The following PPM1E variants were observed in gnomAD, a reference collection of about 807,000 sequenced individuals.
The protein encoded by PPM1E is protein phosphatase 1E.
In PPM1E, 20 loss-of-function variants were observed where a neutral mutation model predicts 65.9. The observed-to-expected ratio is 0.30, with a 90% CI of 0.21 to 0.44. The LOEUF is 0.44. Among genes scored for constraint, PPM1E ranks in the 20% least tolerant of loss-of-function variants. The pLI is 1.00. For synonymous variants in PPM1E, 352 were observed against 374.9 expected, an observed-to-expected ratio of 0.94 and a Z score of 0.70; for missense variants, 713 against 953.1, an observed-to-expected ratio of 0.75 and a Z score of 3.32.
At chr17:58,841,648 C>G (rs2050719153) in intron 1 of PPM1E, among the ~76,000 whole-genome samples, 1 of 151,838 alleles carries the variant, frequency 6.6e-6, no homozygotes. Context: ...GCCTCAGCCT[C>G]CCGAGTAGCT....
At chr17:58,835,425 C>T (rs966641914) in intron 1 of PPM1E, among the ~76,000 whole-genome samples, 4 of 152,012 alleles carry the variant, frequency 2.6e-5, no homozygotes, top group African/African-American at 9.7e-5. Context: ...TATTTCTACC[C>T]GAATTTTAAT....
At chr17:58,782,368 T>C (rs1280660828) in intron 1 of PPM1E, among the ~76,000 whole-genome samples, 1 of 151,956 alleles carries the variant, frequency 6.6e-6, no homozygotes, top group African/African-American at 2.4e-5. Flanking sequence ...CTAAAACTAC[T>C]GTGACTTCAC....
In PPM1E at chr17:58,955,729, A is replaced by G. The variant is rs2029870746; in HGVS notation, c.545A>G (p.Tyr182Cys). 3 of 1,612,382 alleles carry G rather than the reference A, an allele frequency of 1.9e-6. No individual in the cohort carries two copies. The highest frequency in any genetic ancestry group is 2.5e-6 in the Non-Finnish European group (3 of 1,179,602). The change falls in exon 2 of 7, where the codon TAT (tyrosine) becomes TGT (cysteine). Residue 182 changes from tyrosine to cysteine, a missense_variant. Physicochemically the swap from Tyr to Cys is radical, Grantham distance 194 (BLOSUM62 -2). Around this residue, in one of 6 missense-constraint regions of PPM1E, gnomAD observed 84 missense variants for 113.9 expected, o/e 0.74. Transcript: ENST00000308249. ...CTTCAGAGTGATCTTTCTGCACATT[A>G]TATCCCAAAGGAAACGGATGGCACA... ...EVLQSDLSAH[Y>C]IPKETDGTEG...
intron 6 of PPM1E, among the ~76,000 whole-genome samples, chr17:58,974,874 A>G (rs2030895072): frequency 6.6e-6 from 1 of 152,202 alleles, no homozygotes; most frequent in Admixed American, 6.5e-5. Context: ...TGAAAGAGAA[A>G]TAGCTAAAAG....
chr17:58,835,202 A>G (rs958663767), intron 1 of PPM1E, among the ~76,000 whole-genome samples: 3 of 152,076 alleles, frequency 2.0e-5, no homozygotes, highest in African/African-American at 7.2e-5. Context: ...TTCGCCAACC[A>G]TGGTGGCACG....
chr17:58,827,062 T>C (rs766737504), intron 1 of PPM1E, among the ~76,000 whole-genome samples: 16 of 151,874 alleles, frequency 1.1e-4, no homozygotes, highest in Non-Finnish European at 2.4e-4. Flanking sequence ...TTAGATCTGC[T>C]GGCTAGGGTT....
intron 1 of PPM1E, among the ~76,000 whole-genome samples, chr17:58,758,527 C>CA (rs568329714): frequency 0.033 from 2,321 of 70,472 alleles, 34 homozygotes; most frequent in African/African-American, 0.086. Context: ...GACTCCGTCT[C>CA]AAAAAAAAAA....
intron 1 of PPM1E, among the ~76,000 whole-genome samples, chr17:58,782,099 G>A (rs375941359): frequency 4.9e-4 from 75 of 152,162 alleles, no homozygotes; most frequent in African/African-American, 1.8e-3. Flanking sequence ...TGCTTGGTGG[G>A]TAGGAATGAT....
chr17:58,864,041 C>A (rs2050972594), intron 1 of PPM1E, among the ~76,000 whole-genome samples: 1 of 150,982 alleles, frequency 6.6e-6, no homozygotes, highest in African/African-American at 2.4e-5. Flanking sequence ...TTGCCAGGGA[C>A]CCCGCCCTTC....
At chr17:58,891,533 C>T (rs2051344308) in intron 1 of PPM1E, among the ~76,000 whole-genome samples, 1 of 151,842 alleles carries the variant, frequency 6.6e-6, no homozygotes, top group Non-Finnish European at 1.5e-5. Flanking sequence ...CCATATTGGC[C>T]AGGCTGGTCT....
chr17:58,934,840 T>G (rs1378174506), intron 1 of PPM1E, among the ~76,000 whole-genome samples: 1 of 150,610 alleles, frequency 6.6e-6, no homozygotes. Context: ...GGCAGGAGAA[T>G]CGCTTGAACC....
chr17:58,921,406 A>G (rs2051748269), intron 1 of PPM1E, among the ~76,000 whole-genome samples: 1 of 152,124 alleles, frequency 6.6e-6, no homozygotes, highest in African/African-American at 2.4e-5. Context: ...AGATGTGGCT[A>G]GGTGCAGTGG....
intron 1 of PPM1E, among the ~76,000 whole-genome samples, chr17:58,889,590 T>C (rs982327698): frequency 6.6e-6 from 1 of 152,054 alleles, no homozygotes; most frequent in Non-Finnish European, 1.5e-5. Flanking sequence ...AGATCGAGAC[T>C]CCGTCTCAAG....
intron 1 of PPM1E, among the ~76,000 whole-genome samples, chr17:58,870,464 A>G (rs962339137): frequency 2.6e-5 from 4 of 152,140 alleles, no homozygotes; most frequent in Non-Finnish European, 5.9e-5. Context: ...AGTACCCAAT[A>G]TGTAGTTTTT....
chr17:58,877,587 A>G (rs1393486832), intron 1 of PPM1E, among the ~76,000 whole-genome samples: 2 of 152,186 alleles, frequency 1.3e-5, no homozygotes, highest in African/African-American at 4.8e-5. Flanking sequence ...GTAGGTTCCT[A>G]GGCCAGTCCA....
intron 1 of PPM1E, among the ~76,000 whole-genome samples, chr17:58,821,122 G>T (rs927156783): frequency 3.3e-5 from 5 of 151,682 alleles, no homozygotes; most frequent in East Asian, 3.9e-4. Flanking sequence ...TTTGTTTTTG[G>T]TTTTTGGAGA....
intron 1 of PPM1E, among the ~76,000 whole-genome samples, chr17:58,875,654 T>A (rs1378810429): frequency 6.6e-6 from 1 of 152,178 alleles, no homozygotes; most frequent in Non-Finnish European, 1.5e-5. Context: ...TTTAATAAAA[T>A]CCTATGCATC....
chr17:58,916,259 C>G (rs1001583974), intron 1 of PPM1E, among the ~76,000 whole-genome samples: 2 of 152,110 alleles, frequency 1.3e-5, no homozygotes, highest in African/African-American at 2.4e-5. Flanking sequence ...TAAAAGACAG[C>G]GTGTACATAA....
intron 1 of PPM1E, among the ~76,000 whole-genome samples, chr17:58,947,197 A>T: frequency 8.5e-6 from 1 of 117,366 alleles, no homozygotes; most frequent in Non-Finnish European, 1.7e-5. Context: ...GGTCTCCCAA[A>T]GTGTTGGGAT....
Sources: allele counts gnomAD v4.1 joint callset (sites outside exome capture counted in the v4.1 genomes callset), GRCh38; gene constraint gnomAD v4.1.1; regional missense constraint gnomAD v4.1.1; transcripts MANE v1.5; gene names NCBI Gene and HGNC (gene_info 2026-07-23, HGNC 2026-07-21).